GLI2: variants seen among roughly 807,000 people sequenced by gnomAD.
GLI2 encodes GLI family zinc finger 2.
GLI2 carries 22 observed loss-of-function variants against 78.9 expected under a neutral mutation model. The observed-to-expected ratio is 0.28, with a 90% CI of 0.20 to 0.40. GLI2 has a LOEUF of 0.40. Ranked by LOEUF, GLI2 falls within the 10% of genes least tolerant of loss-of-function variation. The pLI is 1.00. For missense variants in GLI2, 2,097 were observed against 2,213.2 expected, an observed-to-expected ratio of 0.95 and a Z score of 1.05; for synonymous variants, 974 against 963.7, an observed-to-expected ratio of 1.01 and a Z score of -0.20.
intron 8 of GLI2, chr2:120,972,554 G>T: frequency 2.1e-6 from 1 of 483,056 alleles, no homozygotes; most frequent in South Asian, 1.5e-5. Flanking sequence ...CTAGCTCAGG[G>T]GTCACTTCAG....
intron 2 of GLI2, among the ~76,000 whole-genome samples, chr2:120,886,983 C>T (rs1423735577): frequency 4.6e-5 from 7 of 152,150 alleles, no homozygotes; most frequent in South Asian, 2.1e-4. Context: ...GATCTGGGCC[C>T]GAGACGCAGA....
At chr2:120,872,705 C>G (rs568149262) in intron 2 of GLI2, among the ~76,000 whole-genome samples, 1 of 152,230 alleles carries the variant, frequency 6.6e-6, no homozygotes, top group African/African-American at 2.4e-5. Context: ...ACAAGATGCT[C>G]AACTTTGCTG....
intron 3 of GLI2, among the ~76,000 whole-genome samples, chr2:120,933,787 C>T (rs1032850940): frequency 4.6e-5 from 7 of 151,966 alleles, no homozygotes; most frequent in South Asian, 2.1e-4. Flanking sequence ...GCTCCTGGTT[C>T]GGGGGGCTGG....
At chr2:120,823,528 A>G (rs10864864) in intron 2 of GLI2, among the ~76,000 whole-genome samples, 147,588 of 152,314 alleles carry the variant, frequency 0.97, 71,540 homozygotes, top group East Asian at 1. Flanking sequence ...AGGATGAGAG[A>G]GTGATGTGAC....
rs1437468060 is a variant in GLI2 at position 120,989,378 on chromosome 2, A to C, written c.3413A>C (p.Asp1138Ala). Reference protein sequence around the residue: ...QWNEVSSGTVDALASQVKPPP... With the variant: ...QWNEVSSGTVAALASQVKPPP... Reference sequence around the variant, plus strand: ...AATGAGGTGAGCTCCGGCACCGTAGACGCCCTGGCCAGCCAGGTGAAGCCT... The same window carrying C: ...AATGAGGTGAGCTCCGGCACCGTAGCCGCCCTGGCCAGCCAGGTGAAGCCT... The change falls in exon 14 of 14, where the codon GAC (aspartate) becomes GCC (alanine). Residue 1138 changes from aspartate to alanine, a missense_variant. Around this residue, in one of 5 missense-constraint regions of GLI2, gnomAD observed 1,290 missense variants for 1,261.7 expected, o/e 1.02. Transcript: ENST00000361492. The C allele has an allele frequency of 6.2e-7, 1 of 1,612,788 alleles. No individual in the cohort carries two copies. The highest frequency in any genetic ancestry group is 1.3e-5 in the African/African-American group (1 of 74,914).
intron 2 of GLI2, among the ~76,000 whole-genome samples, chr2:120,913,108 T>A (rs112504319): frequency 2.0e-5 from 3 of 152,350 alleles, no homozygotes; most frequent in African/African-American, 7.2e-5. Flanking sequence ...GAGGAAGGAC[T>A]GAGGTTTGGG....
At chr2:120,848,008 A>G (rs1687203405) in intron 2 of GLI2, among the ~76,000 whole-genome samples, 1 of 152,212 alleles carries the variant, frequency 6.6e-6, no homozygotes, top group South Asian at 2.1e-4. Flanking sequence ...GGCAGTGCTC[A>G]GAGCAGCCCT....
chr2:120,903,316 A>T (rs530094528), intron 2 of GLI2, among the ~76,000 whole-genome samples: 1 of 152,076 alleles, frequency 6.6e-6, no homozygotes, highest in African/African-American at 2.4e-5. Flanking sequence ...AGATCACGCC[A>T]CTACACTCAG....
chr2:120,902,183 C>T (rs1351076066), intron 2 of GLI2, among the ~76,000 whole-genome samples: 1 of 130,238 alleles, frequency 7.7e-6, no homozygotes, highest in African/African-American at 3.0e-5. Flanking sequence ...CCATTGACAC[C>T]CACCCCCCCC....
At chr2:120,821,302 C>T (rs1267354584) in intron 2 of GLI2, among the ~76,000 whole-genome samples, 1 of 152,110 alleles carries the variant, frequency 6.6e-6, no homozygotes, top group Non-Finnish European at 1.5e-5. Flanking sequence ...GATCTGTTTT[C>T]CTATTTGACT....
intron 2 of GLI2, among the ~76,000 whole-genome samples, chr2:120,856,447 G>T (rs1687647922): frequency 6.6e-6 from 1 of 152,192 alleles, no homozygotes; most frequent in African/African-American, 2.4e-5. Flanking sequence ...GGGCCAGGAA[G>T]CAGGACGGCT....
chr2:120,988,647 G>A lies in GLI2; in HGVS notation c.2682G>A (p.Met894Ile), dbSNP rs755701566. 1.4e-6 allele frequency: 2 copies of A among 1,425,726 alleles called. No individual in the cohort carries two copies. The highest frequency in any genetic ancestry group is 5.5e-5 in the Admixed American group (2 of 36,220). 88.3% of individuals were successfully genotyped at this position (1,425,726 alleles called of 1,614,324 possible). ...CTCCGCTGCCGGGCCTGGAGCGCAT[G>A]AGCCTGCGGACCAGGCTGGCGCTGC... ...PPTPLPGLER[M>I]SLRTRLALLD... The change falls in exon 14 of 14, where the codon ATG (methionine) becomes ATA (isoleucine). Residue 894 changes from methionine to isoleucine, a missense_variant. Met to Ile is a conservative substitution (Grantham distance 10). Coordinates refer to ENST00000361492, the MANE Select transcript of GLI2 (RefSeq NM_001374353.1).
chr2:120,752,269 ATTTTTTTT>A (rs192674460), intron 1 of GLI2, among the ~76,000 whole-genome samples: 1 of 129,950 alleles, frequency 7.7e-6, no homozygotes, highest in African/African-American at 3.0e-5. Context: ...CCTATCTTTA[ATTTTTTTT>A]TTTTTTTTTT....
intron 2 of GLI2, among the ~76,000 whole-genome samples, chr2:120,803,747 C>T (rs920078679): frequency 1.3e-5 from 2 of 152,232 alleles, no homozygotes; most frequent in African/African-American, 2.4e-5. Flanking sequence ...CTTAGACTCT[C>T]GTGACAATCA....
chr2:120,839,106 A>T (rs962212585), intron 2 of GLI2, among the ~76,000 whole-genome samples: 100 of 152,340 alleles, frequency 6.6e-4, no homozygotes, highest in African/African-American at 2.2e-3. Context: ...ATTTTCAACT[A>T]AATTAACCTC....
intron 2 of GLI2, among the ~76,000 whole-genome samples, chr2:120,806,186 T>C (rs2104715274): frequency 6.6e-6 from 1 of 152,298 alleles, no homozygotes; most frequent in East Asian, 1.9e-4. Flanking sequence ...ATTTTATGTT[T>C]GTGGCCAGGT....
At chr2:120,738,638 C>T (rs1231062423) in intron 1 of GLI2, among the ~76,000 whole-genome samples, 2 of 152,134 alleles carry the variant, frequency 1.3e-5, no homozygotes, top group African/African-American at 2.4e-5. Context: ...GTGGTCAGAA[C>T]GGTCTATTTG....
intron 1 of GLI2, among the ~76,000 whole-genome samples, chr2:120,760,519 T>A (rs1182254787): frequency 6.6e-6 from 1 of 152,126 alleles, no homozygotes; most frequent in Non-Finnish European, 1.5e-5. Flanking sequence ...CTTTGGCACT[T>A]GTATGTAGAG....
intron 11 of GLI2, among the ~76,000 whole-genome samples, chr2:120,983,238 G>A (rs1433184131): frequency 6.6e-6 from 1 of 152,138 alleles, no homozygotes. Context: ...TCTGATCTCG[G>A]AGTGTTTAAC....
Sources: allele counts gnomAD v4.1 joint callset (sites outside exome capture counted in the v4.1 genomes callset), GRCh38; gene constraint gnomAD v4.1.1; regional missense constraint gnomAD v4.1.1; transcripts MANE v1.5; gene names NCBI Gene and HGNC (gene_info 2026-07-23, HGNC 2026-07-21).